Variants in SPOPL observed in about 807,000 individuals in gnomAD.
SPOPL encodes speckle-type POZ protein-like.
SPOPL carries 23 observed loss-of-function variants against 53.8 expected under a neutral mutation model. The ratio of observed to expected loss-of-function variants is 0.43; its 90% CI spans 0.31 to 0.61. The LOEUF is 0.61. SPOPL is among the 20% of genes least tolerant of loss of function. SPOPL has a pLI of 0.12. For missense variants in SPOPL, 442 were observed against 466.9 expected, an observed-to-expected ratio of 0.95 and a Z score of 0.49; for synonymous variants, 164 against 149.7, an observed-to-expected ratio of 1.10 and a Z score of -0.70.
At position 138,569,803 on chromosome 2, in the gene SPOPL, G is replaced by A. The variant is rs1465814288; in HGVS notation, c.*723G>A. On this transcript the variant is annotated 3_prime_UTR_variant, in exon 11 of 11. Transcript: ENST00000280098. ...TGAAGAAAGCATGTATTGTGTGGAA[G>A]TAATTTTTTTTTAATTTATACTGAC... The A allele has an allele frequency of 1.3e-5, 2 of 152,490 alleles. No individual in the cohort carries two copies. Among genetic ancestry groups the A allele is most frequent in the Admixed American group, 6.6e-5 (1 of 15,252 alleles). 9.4% of individuals were successfully genotyped at this position (152,490 alleles called of 1,614,324 possible). A position where few individuals can be genotyped will look rare whatever the true frequency, so the allele number is the denominator to read the frequency against.
chr2:138,529,732 A>G (rs1684765834), intron 1 of SPOPL, among the ~76,000 whole-genome samples: 1 of 152,086 alleles, frequency 6.6e-6, no homozygotes, highest in African/African-American at 2.4e-5. Flanking sequence ...TTTAGAATCA[A>G]CTTGTCAGTT....
chr2:138,524,613 A>C (rs1181240090), intron 1 of SPOPL, among the ~76,000 whole-genome samples: 1 of 152,160 alleles, frequency 6.6e-6, no homozygotes, highest in African/African-American at 2.4e-5. Context: ...GCTGCTTAGA[A>C]ATTTTTTCCA....
At chr2:138,503,689 C>G (rs1684153743) in intron 1 of SPOPL, among the ~76,000 whole-genome samples, 1 of 152,180 alleles carries the variant, frequency 6.6e-6, no homozygotes, top group Admixed American at 6.5e-5. Context: ...TTTGGAACTT[C>G]TACAATTTTA....
At chr2:138,518,158 G>A (rs2104861839) in intron 1 of SPOPL, among the ~76,000 whole-genome samples, 2 of 149,092 alleles carry the variant, frequency 1.3e-5, no homozygotes, top group African/African-American at 5.0e-5. Context: ...AAAAAAAAAA[G>A]AAAGAAAACT....
rs1258204545 is a variant in SPOPL at position 138,552,663 on chromosome 2, G to C, written c.462G>C (p.Lys154Asn). The C allele has an allele frequency of 3.1e-6, 5 of 1,612,158 alleles. No homozygotes were observed. The Admixed American group carries it at 6.7e-5, about 22-fold the overall frequency. ...CTAATGGTCTTTTACCAGATGACAA[G>C]CTTACATTATTTTGTGAGGTGGGTA... ...DEANGLLPDD[K>N]LTLFCEVSVV... The change falls in exon 5 of 11, where the codon AAG (lysine) becomes AAC (asparagine). Residue 154 changes from lysine (K) to asparagine (N), a missense_variant. Coordinates refer to ENST00000280098, the MANE Select transcript of SPOPL (RefSeq NM_001001664.3).
intron 5 of SPOPL, among the ~76,000 whole-genome samples, chr2:138,556,160 CTT>C (rs1171782893): frequency 3.3e-5 from 5 of 152,024 alleles, no homozygotes; most frequent in Non-Finnish European, 7.4e-5. Flanking sequence ...AATTATGTGT[CTT>C]AGTTAAAATT....
At chr2:138,503,101 A>T (rs1324286464) in intron 1 of SPOPL, among the ~76,000 whole-genome samples, 1 of 152,206 alleles carries the variant, frequency 6.6e-6, no homozygotes, top group East Asian at 1.9e-4. Flanking sequence ...TCATACCTTG[A>T]AAAATTACAT....
intron 5 of SPOPL, among the ~76,000 whole-genome samples, chr2:138,556,072 A>C (rs1040213660): frequency 6.6e-6 from 1 of 152,312 alleles, no homozygotes; most frequent in Non-Finnish European, 1.5e-5. Flanking sequence ...AATCCATTGC[A>C]TATGTCAATT....
chr2:138,546,811 A>G (rs1685205372), intron 1 of SPOPL, among the ~76,000 whole-genome samples: 1 of 152,242 alleles, frequency 6.6e-6, no homozygotes. Flanking sequence ...TGAAGAATGA[A>G]CAACATATAT....
chr2:138,550,848 T>C, intron 3 of SPOPL, 55 bp from the exon 4 acceptor site: 1 of 1,541,988 alleles, frequency 6.5e-7, no homozygotes, highest in Non-Finnish European at 8.7e-7. Flanking sequence ...TCTCTCTCTC[T>C]CGAATGCTTT....
chr2:138,558,333 TTAAG>T, intron 5 of SPOPL, among the ~76,000 whole-genome samples: 1 of 152,188 alleles, frequency 6.6e-6, no homozygotes, highest in Admixed American at 6.5e-5. Context: ...TGATTATTTC[TTAAG>T]TAAATAAAAG....
intron 10 of SPOPL, among the ~76,000 whole-genome samples, chr2:138,568,470 G>T (rs993412895): frequency 8.5e-5 from 13 of 152,160 alleles, no homozygotes; most frequent in Admixed American, 2.6e-4. Context: ...AATGAACCTT[G>T]TGTGGAACCC....
intron 7 of SPOPL, 77 bp from the exon 8 acceptor site, chr2:138,560,728 C>G: frequency 6.9e-7 from 1 of 1,453,316 alleles, no homozygotes; most frequent in Non-Finnish European, 9.2e-7. Flanking sequence ...TTTTAAATTA[C>G]TGTCAAAGAT....
intron 1 of SPOPL, among the ~76,000 whole-genome samples, chr2:138,511,319 A>G (rs557197976): frequency 6.6e-6 from 1 of 152,308 alleles, no homozygotes; most frequent in South Asian, 2.1e-4. Context: ...TAAGTTGTGT[A>G]ATGAAACCAG....
intron 1 of SPOPL, among the ~76,000 whole-genome samples, chr2:138,513,121 T>A (rs1684362874): frequency 6.6e-6 from 1 of 152,220 alleles, no homozygotes; most frequent in Non-Finnish European, 1.5e-5. Flanking sequence ...TTTAGTGTTT[T>A]CTCTTACAAA....
At chr2:138,565,735 ATTT>A (rs1191604759) in intron 10 of SPOPL, among the ~76,000 whole-genome samples, 3 of 142,942 alleles carry the variant, frequency 2.1e-5, no homozygotes. Flanking sequence ...GAAAGTGGGA[ATTT>A]TTTTTTTTTT....
At chr2:138,547,166 A>T (rs183564484) in intron 1 of SPOPL, among the ~76,000 whole-genome samples, 1 of 152,146 alleles carries the variant, frequency 6.6e-6, no homozygotes, top group Admixed American at 6.5e-5. Context: ...GGGTTTCACC[A>T]TGTTTGCCAG....
At chr2:138,547,616 T>TAC (rs1685224971) in intron 1 of SPOPL, among the ~76,000 whole-genome samples, 1 of 152,138 alleles carries the variant, frequency 6.6e-6, no homozygotes, top group African/African-American at 2.4e-5. Flanking sequence ...TGTTTTCCAC[T>TAC]TTTAAAAATA....
At chr2:138,522,791 T>C (rs1684586442) in intron 1 of SPOPL, among the ~76,000 whole-genome samples, 1 of 152,176 alleles carries the variant, frequency 6.6e-6, no homozygotes, top group African/African-American at 2.4e-5. Flanking sequence ...TTAGTACACA[T>C]TTTAGTCAAC....
Sources: gnomAD v4.1 joint callset for allele counts (sites outside exome capture counted in the v4.1 genomes callset) on GRCh38, gnomAD v4.1.1 for gene constraint, MANE v1.5 for transcripts, NCBI Gene and HGNC (gene_info 2026-07-23, HGNC 2026-07-21) for gene names.